Variants in SEMA3E observed in about 807,000 individuals in gnomAD.
SEMA3E encodes semaphorin-3E.
Under a neutral mutation model 93.6 loss-of-function variants are expected in SEMA3E, and 49 were observed. That is an observed-to-expected ratio of 0.52 (90% CI 0.42 to 0.66). SEMA3E has a LOEUF of 0.66. Among genes scored for constraint, SEMA3E ranks in the 30% least tolerant of loss-of-function variants. The pLI is 0.00. For missense variants in SEMA3E, 906 were observed against 964.8 expected (o/e 0.94, Z 0.81); for synonymous variants, 363 against 330.7 (o/e 1.10, Z -1.06).
At chr7:83,465,381 T>C (rs1789731114) in intron 4 of SEMA3E, among the ~76,000 whole-genome samples, 1 of 152,248 alleles carries the variant, frequency 6.6e-6, no homozygotes, top group East Asian at 1.9e-4. Context: ...CGGATGCACA[T>C]GAAACTAATG....
intron 4 of SEMA3E, among the ~76,000 whole-genome samples, chr7:83,441,692 G>T (rs1373747764): frequency 6.6e-6 from 1 of 152,142 alleles, no homozygotes; most frequent in Non-Finnish European, 1.5e-5. Context: ...GCCACCATCA[G>T]AAAGAGTAAC....
At chr7:83,452,490 C>A (rs1311605585) in intron 4 of SEMA3E, among the ~76,000 whole-genome samples, 1 of 152,188 alleles carries the variant, frequency 6.6e-6, no homozygotes, top group African/African-American at 2.4e-5. Context: ...TCTCTCAGGG[C>A]CTTCTCTTTG....
chr7:83,622,381 G>A (rs1036522905), intron 1 of SEMA3E, among the ~76,000 whole-genome samples: 1 of 152,084 alleles, frequency 6.6e-6, no homozygotes, highest in African/African-American at 2.4e-5. Flanking sequence ...CACTGTTAGT[G>A]GAAATGTAAA....
intron 1 of SEMA3E, among the ~76,000 whole-genome samples, chr7:83,512,066 GAAAT>G (rs1790835993): frequency 6.6e-6 from 1 of 151,854 alleles, no homozygotes; most frequent in African/African-American, 2.4e-5. Context: ...TTACCCCAAA[GAAAT>G]AAAAAAATTA....
At chr7:83,428,092 G>A (rs1336326269) in intron 4 of SEMA3E, among the ~76,000 whole-genome samples, 1 of 152,184 alleles carries the variant, frequency 6.6e-6, no homozygotes, top group African/African-American at 2.4e-5. Flanking sequence ...AATATAAATG[G>A]TAGATCTCTC....
chr7:83,401,336 A>G (rs944684836), intron 10 of SEMA3E, among the ~76,000 whole-genome samples: 2 of 152,142 alleles, frequency 1.3e-5, no homozygotes, highest in Admixed American at 1.3e-4. Context: ...ACAGTAGTTT[A>G]GTAATCAGAT....
intron 1 of SEMA3E, among the ~76,000 whole-genome samples, chr7:83,640,700 T>C (rs1793990865): frequency 1.3e-5 from 2 of 152,218 alleles, no homozygotes; most frequent in Admixed American, 6.5e-5. Context: ...AGAAGGCCAA[T>C]GAATACATAT....
intron 2 of SEMA3E, among the ~76,000 whole-genome samples, chr7:83,487,192 G>A (rs1270495677): frequency 6.6e-6 from 1 of 152,054 alleles, no homozygotes; most frequent in Non-Finnish European, 1.5e-5. Flanking sequence ...CTCTGAAGGG[G>A]AATCACATTA....
intron 3 of SEMA3E, 137 bp from the exon 4 acceptor site, chr7:83,466,738 A>G: frequency 9.9e-7 from 1 of 1,008,038 alleles, no homozygotes; most frequent in Non-Finnish European, 1.5e-6. Flanking sequence ...CAAGAGGGGT[A>G]GAAGAAAAGA....
intron 4 of SEMA3E, among the ~76,000 whole-genome samples, chr7:83,433,853 G>A (rs773567626): frequency 1.3e-5 from 2 of 152,150 alleles, no homozygotes; most frequent in African/African-American, 2.4e-5. Flanking sequence ...ATCAAAGTTA[G>A]ACATAAGAAC....
intron 15 of SEMA3E, among the ~76,000 whole-genome samples, chr7:83,386,448 T>C (rs928508127): frequency 6.6e-6 from 1 of 152,106 alleles, no homozygotes; most frequent in African/African-American, 2.4e-5. Context: ...TGCCTAAAGA[T>C]GAGATTTCCT....
chr7:83,385,147 A>C (rs1787852232), intron 16 of SEMA3E, 147 bp downstream of exon 16: 1 of 646,014 alleles, frequency 1.5e-6, no homozygotes, highest in African/African-American at 1.8e-5. Flanking sequence ...TATATAAATC[A>C]CACATAACAA....
intron 1 of SEMA3E, among the ~76,000 whole-genome samples, chr7:83,532,125 A>G (rs1262358540): frequency 6.6e-6 from 1 of 152,226 alleles, no homozygotes; most frequent in Non-Finnish European, 1.5e-5. Flanking sequence ...CATTAAAAAA[A>G]TTAGGAATCT....
intron 4 of SEMA3E, among the ~76,000 whole-genome samples, chr7:83,421,810 C>T (rs187230253): frequency 1.3e-4 from 13 of 100,836 alleles, no homozygotes; most frequent in Admixed American, 2.8e-4. Flanking sequence ...CTGATCCTGC[C>T]GTTTTGAAAA....
intron 16 of SEMA3E, chr7:83,372,606 G>C: frequency 4.9e-6 from 1 of 202,908 alleles, no homozygotes; most frequent in Non-Finnish European, 9.8e-6. Context: ...TACATATAAA[G>C]TCCAGATTGG....
intron 4 of SEMA3E, among the ~76,000 whole-genome samples, chr7:83,442,674 T>G (rs1159865241): frequency 6.6e-6 from 1 of 152,104 alleles, no homozygotes; most frequent in Non-Finnish European, 1.5e-5. Flanking sequence ...TTTGTTTTGT[T>G]TTTTATAGCC....
chr7:83,400,270 G>C lies in SEMA3E; in HGVS notation c.1144-20C>G. 2 of 1,608,628 alleles carry C rather than the reference G, an allele frequency of 1.2e-6. No individual in the cohort carries two copies. The highest frequency in any genetic ancestry group is 1.3e-5 in the African/African-American group (1 of 74,874). ...GGCACACTGAAAAACAAGTGGATCA[G>C]ATAATTCTTTTTGCTTTACACCCAA... On this transcript the variant is annotated intron_variant, in intron 10 of 16. Coordinates refer to ENST00000643230, the MANE Select transcript of SEMA3E (RefSeq NM_012431.3).
At chr7:83,457,656 CT>C (rs147833208) in intron 4 of SEMA3E, among the ~76,000 whole-genome samples, 2,933 of 152,182 alleles carry the variant, frequency 0.019, 96 homozygotes, top group African/African-American at 0.067. Context: ...TAATAGCCTC[CT>C]TAAATTTCTC....
chr7:83,377,607 C>T (rs999290324), intron 16 of SEMA3E, among the ~76,000 whole-genome samples: 3 of 151,774 alleles, frequency 2.0e-5, no homozygotes, highest in Non-Finnish European at 4.4e-5. Flanking sequence ...GGGGAACCTA[C>T]TTTTAAAAAA....
Sources: gnomAD v4.1 joint callset for allele counts (sites outside exome capture counted in the v4.1 genomes callset) on GRCh38, gnomAD v4.1.1 for gene constraint, MANE v1.5 for transcripts, NCBI Gene and HGNC (gene_info 2026-07-23, HGNC 2026-07-21) for gene names.